Variants in DPRX observed in about 807,000 individuals in gnomAD.
DPRX encodes the protein divergent-paired related homeobox, also known as divergent paired-related homeobox.
In DPRX, 11 loss-of-function variants were observed where a neutral mutation model predicts 8.4. The observed-to-expected ratio is 1.31, with a 90% confidence interval of 0.82 to 2.17. The LOEUF is 2.17. Among genes scored for constraint, DPRX ranks in the 30% most tolerant of loss-of-function variants. DPRX has a pLI of 0.00. For missense variants in DPRX, 211 were observed against 236.7 expected, an observed-to-expected ratio of 0.89 and a Z score of 0.71; for synonymous variants, 72 against 87.0, an observed-to-expected ratio of 0.83 and a Z score of 0.96.
At chr19:53,610,153 A>C in the DPRX span, among the ~76,000 whole-genome samples, 1 of 65,386 alleles carries the variant, frequency 1.5e-5, no homozygotes, top group East Asian at 3.8e-4. Context: ...CTGTGTCTCA[A>C]AAAAAAAAAA....
the DPRX span, among the ~76,000 whole-genome samples, chr19:53,626,899 A>G: frequency 6.6e-6 from 1 of 151,816 alleles, no homozygotes; most frequent in African/African-American, 2.4e-5. Flanking sequence ...TCAGGGTTTC[A>G]CTATGTTGCC....
At chr19:53,631,914 TA>T, upstream of DPRX, 1 of 698,944 alleles carries the variant, frequency 1.4e-6, no homozygotes, top group Non-Finnish European at 2.4e-6. Flanking sequence ...CAATATTAGA[TA>T]AAATGACAGT....
chr19:53,617,561 C>CAAAAAA, the DPRX span, among the ~76,000 whole-genome samples: 2 of 103,734 alleles, frequency 1.9e-5, no homozygotes, highest in African/African-American at 3.7e-5. Flanking sequence ...TCCGTCTCAC[C>CAAAAAA]AAAAAAAAAA....
At chr19:53,636,956 G>T (rs763719601) in exon 3 of DPRX, 1 of 1,609,948 alleles carries the variant, frequency 6.2e-7, no homozygotes, top group Non-Finnish European at 8.5e-7. Flanking sequence ...TGGCTCTCCT[G>T]CCTGTTCATC....
chr19:53,613,378 G>A, the DPRX span, among the ~76,000 whole-genome samples: 15 of 151,974 alleles, frequency 9.9e-5, no homozygotes, highest in Admixed American at 3.3e-4. Flanking sequence ...ATGGAATCTC[G>A]CTCTGTCACC....
Position 53,634,524 on chromosome 19 carries a change from T to C in DPRX, c.29-7T>C, listed in dbSNP as rs1223270558. 6.2e-7 allele frequency: 1 copy of C among 1,602,776 alleles called. No homozygotes were observed. The highest frequency in any genetic ancestry group is 8.5e-7 in the Non-Finnish European group (1 of 1,176,730). ...TCCCATTTGTGTCTTTTTCCTCCTC[T>C]TTCAAGGCAAGGACCAGATGCATTC... On this transcript the variant is annotated splice_region_variant and splice_polypyrimidine_tract_variant and intron_variant, in intron 1 of 2. Coordinates refer to ENST00000376650, the Ensembl canonical transcript of DPRX.
At chr19:53,621,907 C>G in the DPRX span, among the ~76,000 whole-genome samples, 2 of 152,094 alleles carry the variant, frequency 1.3e-5, no homozygotes, top group African/African-American at 4.8e-5. Context: ...GAGCAAACTA[C>G]AATCCTCATT....
chr19:53,604,484 T>G, the DPRX span: 2 of 152,660 alleles, frequency 1.3e-5, no homozygotes, highest in African/African-American at 4.8e-5. Context: ...GTCACTGAAC[T>G]CAAACAGGAA....
the DPRX span, among the ~76,000 whole-genome samples, chr19:53,620,885 T>C: frequency 6.6e-6 from 1 of 151,672 alleles, no homozygotes; most frequent in East Asian, 2.0e-4. Flanking sequence ...TGGGCCACCA[T>C]GCCCAGCCTG....
chr19:53,616,064 C>T, the DPRX span, among the ~76,000 whole-genome samples: 2 of 151,896 alleles, frequency 1.3e-5, no homozygotes, highest in African/African-American at 4.8e-5. Flanking sequence ...ACCAGCCTGA[C>T]CAACATGGAG....
the DPRX span, among the ~76,000 whole-genome samples, chr19:53,620,584 C>T: frequency 3.2e-4 from 49 of 152,036 alleles, no homozygotes; most frequent in Admixed American, 2.3e-3. Context: ...AGGCTGGTCT[C>T]GAACTCCTGG....
At chr19:53,612,827 G>A in the DPRX span, among the ~76,000 whole-genome samples, 1 of 152,156 alleles carries the variant, frequency 6.6e-6, no homozygotes, top group African/African-American at 2.4e-5. Flanking sequence ...TAGACTGCAG[G>A]GGTCGGGCGG....
chr19:53,627,452 T>C (rs2091075802), upstream of DPRX, among the ~76,000 whole-genome samples: 1 of 149,566 alleles, frequency 6.7e-6, no homozygotes, highest in African/African-American at 2.4e-5. Context: ...TTTTTTTTTT[T>C]TGGAGACAGA....
the DPRX span, among the ~76,000 whole-genome samples, chr19:53,620,316 A>T: frequency 6.6e-6 from 1 of 151,134 alleles, no homozygotes; most frequent in Non-Finnish European, 1.5e-5. Flanking sequence ...TGATCCGCCC[A>T]CCTTGGCCTC....
the DPRX span, among the ~76,000 whole-genome samples, chr19:53,625,287 A>C: frequency 1.1e-4 from 17 of 152,182 alleles, no homozygotes; most frequent in African/African-American, 4.1e-4. Context: ...TCCTGGCCTC[A>C]AGCGATCCTC....
chr19:53,609,029 A>T, the DPRX span, among the ~76,000 whole-genome samples: 1 of 151,450 alleles, frequency 6.6e-6, no homozygotes, highest in Non-Finnish European at 1.5e-5. Flanking sequence ...GAAAAGAAAG[A>T]CCTTACAATT....
rs571452056 is a variant in DPRX, at chr19:53,635,048, C to T, written c.183+363C>T. ...AGCACGGTGGTGCAATCACAGCTCACTGCAGCCTCGACCTCCCGGGCTCAA... is the reference window on the plus strand; with the variant it reads ...AGCACGGTGGTGCAATCACAGCTCATTGCAGCCTCGACCTCCCGGGCTCAA... On this transcript the variant is annotated intron_variant, in intron 2 of 2. Transcript: ENST00000376650. Among the ~76,000 whole-genome samples the T allele has an allele frequency of 4.6e-5, 7 of 152,330 alleles. No individual in the cohort carries two copies. In the East Asian group the frequency reaches 1.4e-3, roughly 29 times the overall value.
At chr19:53,622,836 T>C in the DPRX span, among the ~76,000 whole-genome samples, 33 of 152,260 alleles carry the variant, frequency 2.2e-4, no homozygotes, top group African/African-American at 7.5e-4. Flanking sequence ...GACAGGATAT[T>C]GATAAATGCC....
At chr19:53,632,219 G>A in intron 1 of DPRX, 85 bp downstream of exon 1, 1 of 1,594,544 alleles carries the variant, frequency 6.3e-7, no homozygotes, top group Non-Finnish European at 8.6e-7. Context: ...GAGGGACCAG[G>A]CGGCCGAAGC....
Sources: gnomAD v4.1 joint callset for allele counts (sites outside exome capture counted in the v4.1 genomes callset) on GRCh38, gnomAD v4.1.1 for gene constraint, MANE v1.5 for transcripts, NCBI Gene and HGNC (gene_info 2026-07-23, HGNC 2026-07-21) for gene names.